The following CENPC variants were observed in gnomAD, a reference collection of about 807,000 sequenced individuals.
The protein encoded by CENPC is centromere protein C.
A neutral mutation model predicts 112.1 loss-of-function variants in CENPC; 63 were observed. That is an observed-to-expected ratio of 0.56 (90% confidence interval 0.46 to 0.69). The LOEUF is 0.69. CENPC is among the 30% of genes least tolerant of loss of function. CENPC has a pLI of 0.00. For synonymous variants in CENPC, 333 were observed against 367.6 expected (o/e 0.91, Z 1.08); for missense variants, 1,000 against 1,103.8 (o/e 0.91, Z 1.33).
At chr4:67,504,212 G>A (rs1725673442) in intron 12 of CENPC, among the ~76,000 whole-genome samples, 1 of 151,124 alleles carries the variant, frequency 6.6e-6, no homozygotes, top group South Asian at 2.1e-4. Flanking sequence ...CTGGGTCAAA[G>A]AAAAATCACT....
chr4:67,514,325 G>C lies in CENPC; in HGVS notation c.1193C>G (p.Thr398Arg). Reference protein sequence around the residue: ...IGETVNNYRSTKYEMYSKNAE... With the variant: ...IGETVNNYRSRKYEMYSKNAE... Reference sequence around the variant, plus strand: ...ATTCTTGGAATACATTTCATATTTTGTAGATCTATAATTATTTACTGTTTC... The same window carrying C: ...ATTCTTGGAATACATTTCATATTTTCTAGATCTATAATTATTTACTGTTTC... The change falls in exon 8 of 19, where the codon ACA (threonine) becomes AGA (arginine). Residue 398 changes from threonine (T) to arginine (R), a missense_variant. By Grantham distance (71) the Thr-to-Arg change is moderately conservative. Transcript: ENST00000273853. The C allele has an allele frequency of 1.2e-6, 2 of 1,610,832 alleles. No homozygotes were observed. Among genetic ancestry groups the C allele is most frequent in the Non-Finnish European group, 1.7e-6 (2 of 1,178,044 alleles).
At position 67,490,108 on chromosome 4, in the gene CENPC, T is replaced by C; in HGVS notation, c.2529A>G (p.Pro843=). ...TAACAAAAAATTGATATGTATCTTG[T>C]GGCCTTACAAGATCTAGGAGTAAAA... ...REIILMDLVR[P]QDTYQFFVKH... The change falls in exon 17 of 19, where the codon CCA becomes CCG. Residue 843 remains proline, a synonymous_variant. Transcript: ENST00000273853. 2 of 1,604,028 alleles carry C rather than the reference T, an allele frequency of 1.2e-6. No individual in the cohort carries two copies. The highest frequency in any genetic ancestry group is 1.3e-5 in the African/African-American group (1 of 74,576).
chr4:67,514,283 C>T lies in CENPC; in HGVS notation c.1235G>A (p.Arg412Lys). The T allele has an allele frequency of 6.2e-7, 1 of 1,610,356 alleles. No homozygotes were observed. The highest frequency in any genetic ancestry group is 8.5e-7 in the Non-Finnish European group (1 of 1,177,798). Residue 412 changes from arginine (R) to lysine (K), a missense_variant, in exon 8 of 19, where the codon AGA becomes AAA. Coordinates refer to ENST00000273853, the MANE Select transcript of CENPC (RefSeq NM_001812.4). ...MYSKNAEKPS[R>K]SKRTIKQKQR... is the part of the protein sequence containing the mutation. ...TTTTTGTTTTATAGTCCTTTTGCTT[C>T]TAGATGGTTTTTCTGCATTCTTGGA... is the stretch of plus-strand genomic sequence containing the variant.
intron 5 of CENPC, among the ~76,000 whole-genome samples, chr4:67,521,574 C>T (rs1726230689): frequency 6.6e-6 from 1 of 152,266 alleles, no homozygotes; most frequent in Admixed American, 6.5e-5. Context: ...TTTGTGCATG[C>T]ACTGCTAGTG....
At chr4:67,508,609 C>T (rs1725801593) in intron 10 of CENPC, among the ~76,000 whole-genome samples, 2 of 151,070 alleles carry the variant, frequency 1.3e-5, no homozygotes, top group African/African-American at 4.9e-5. Flanking sequence ...GTACTATTCC[C>T]TATTTTAATA....
intron 5 of CENPC, among the ~76,000 whole-genome samples, chr4:67,529,046 G>T (rs1356354920): frequency 6.6e-6 from 1 of 152,094 alleles, no homozygotes; most frequent in Admixed American, 6.6e-5. Context: ...CTAGGGTCTT[G>T]ATTTGCATTC....
chr4:67,523,919 G>GT (rs1287390884), intron 5 of CENPC, among the ~76,000 whole-genome samples: 1 of 152,028 alleles, frequency 6.6e-6, no homozygotes, highest in Non-Finnish European at 1.5e-5. Flanking sequence ...TGGAACCAAA[G>GT]TAAGAGCTTC....
intron 5 of CENPC, among the ~76,000 whole-genome samples, chr4:67,520,018 C>T (rs1726176280): frequency 2.0e-5 from 3 of 152,106 alleles, no homozygotes; most frequent in Admixed American, 2.0e-4. Flanking sequence ...AGACCAGAAA[C>T]AGACAAGCCT....
chr4:67,520,562 C>T (rs1726195643), intron 5 of CENPC, among the ~76,000 whole-genome samples: 1 of 152,184 alleles, frequency 6.6e-6, no homozygotes, highest in South Asian at 2.1e-4. Flanking sequence ...GAACCCCACA[C>T]AAGTGAACAT....
chr4:67,541,948 T>C (rs906429887), intron 2 of CENPC, among the ~76,000 whole-genome samples: 7 of 151,012 alleles, frequency 4.6e-5, no homozygotes, highest in African/African-American at 1.7e-4. Flanking sequence ...TCATACAACA[T>C]GTATCCTCTT....
intron 17 of CENPC, among the ~76,000 whole-genome samples, chr4:67,484,274 G>A (rs186632433): frequency 9.8e-5 from 15 of 152,294 alleles, no homozygotes; most frequent in South Asian, 2.1e-4. Flanking sequence ...GCCTAGGTTC[G>A]TAGTAGGCTA....
At chr4:67,493,848 TTTA>T in intron 14 of CENPC, 33 bp downstream of exon 14, 1 of 1,437,084 alleles carries the variant, frequency 7.0e-7, no homozygotes, top group Non-Finnish European at 9.7e-7. Flanking sequence ...AAACAAATTT[TTTA>T]TTGACAGATA....
rs1408589134 is a variant in CENPC, at chr4:67,491,519, A to AGC, written c.2515+660_2515+661insGC. Among the ~76,000 whole-genome samples, 284 of 137,370 alleles carry AGC rather than the reference A, an allele frequency of 2.1e-3. 3 individuals are homozygous for AGC. The highest frequency in any genetic ancestry group is 7.8e-3 in the Middle Eastern group (2 of 256). 90.1% of individuals were successfully genotyped at this position (137,370 alleles called of 152,430 possible). A position where few individuals can be genotyped will look rare whatever the true frequency, so the allele number is the denominator to read the frequency against. On this transcript the variant is annotated intron_variant, in intron 16 of 18. Transcript: ENST00000273853. ...GAGAGAGAGAGAGAGAGAGAGAGAGAGAGAGAGAGCCTGGTTGTTAAACAG... is the reference window on the plus strand; with the variant it reads ...GAGAGAGAGAGAGAGAGAGAGAGAGAGCGAGAGAGAGCCTGGTTGTTAAACAG...
At chr4:67,536,223 C>G (rs531561808) in intron 4 of CENPC, among the ~76,000 whole-genome samples, 25 of 151,986 alleles carry the variant, frequency 1.6e-4, no homozygotes, top group Non-Finnish European at 2.6e-4. Flanking sequence ...AAATTGAGAA[C>G]AGAGGAAATG....
At position 67,545,319 on chromosome 4, in the gene CENPC, G is replaced by A. The variant is rs1048247925; in HGVS notation, c.18+19C>T. Reference sequence around the variant, plus strand: ...CCAGCCGCTCAACCACTCGCCTGGAGCGGGGGGCCTGCACTTACCAGACCG... The same window carrying A: ...CCAGCCGCTCAACCACTCGCCTGGAACGGGGGGCCTGCACTTACCAGACCG... On this transcript the variant is annotated intron_variant, in intron 1 of 18. Coordinates refer to ENST00000273853, the MANE Select transcript of CENPC (RefSeq NM_001812.4). 3 of 1,472,214 alleles carry A rather than the reference G, an allele frequency of 2.0e-6. No homozygotes were observed. Among genetic ancestry groups the A allele is most frequent in the Non-Finnish European group, 2.7e-6 (3 of 1,103,658 alleles). The allele number at this position is 1,472,214 out of a possible 1,614,324, so 91.2% of individuals were successfully genotyped here.
At chr4:67,486,196 T>C (rs1438615612) in intron 17 of CENPC, among the ~76,000 whole-genome samples, 3 of 152,222 alleles carry the variant, frequency 2.0e-5, no homozygotes, top group African/African-American at 7.2e-5. Flanking sequence ...TTTTGAAACA[T>C]ACAAAAATAG....
At chr4:67,474,221 C>T (rs980337227) in intron 18 of CENPC, among the ~76,000 whole-genome samples, 2 of 152,164 alleles carry the variant, frequency 1.3e-5, no homozygotes, top group East Asian at 3.9e-4. Flanking sequence ...TCCGCCACCA[C>T]GCCCAGCTAA....
chr4:67,532,434 A>G (rs1042880516), intron 4 of CENPC, among the ~76,000 whole-genome samples: 3 of 152,238 alleles, frequency 2.0e-5, no homozygotes, highest in African/African-American at 7.2e-5. Flanking sequence ...GCTGCTATAA[A>G]GACACATGCA....
chr4:67,491,480 T>TATATATATAGAG (rs1725270093), intron 16 of CENPC, among the ~76,000 whole-genome samples: 4 of 18,100 alleles, frequency 2.2e-4, no homozygotes, highest in African/African-American at 5.3e-4. Context: ...TATATATATA[T>TATATATATAGAG]AGAGAGAGAG....
Sources: allele counts gnomAD v4.1 joint callset (sites outside exome capture counted in the v4.1 genomes callset), GRCh38; gene constraint gnomAD v4.1.1; transcripts MANE v1.5; gene names NCBI Gene and HGNC (gene_info 2026-07-23, HGNC 2026-07-21).